NCALD: variants seen among roughly 807,000 people sequenced by gnomAD.
NCALD encodes neurocalcin delta, also known as neurocalcin-delta.
Under a neutral mutation model 18.6 loss-of-function variants are expected in NCALD, and 10 were observed. The observed-to-expected ratio is 0.54, with a 90% confidence interval of 0.33 to 0.91. NCALD has a LOEUF of 0.91. Among genes scored for constraint, NCALD ranks in the 40% least tolerant of loss-of-function variants. The probability of loss-of-function intolerance (pLI) is 0.03; values close to 1 mark genes in which losing one functional copy is unlikely to be tolerated. For synonymous variants in NCALD, 88 were observed against 87.4 expected (o/e 1.01, Z -0.04); for missense variants, 184 against 247.6 (o/e 0.74, Z 1.72).
At chr8:101,961,367 A>G (rs1249084857) in intron 2 of NCALD, among the ~76,000 whole-genome samples, 1 of 152,184 alleles carries the variant, frequency 6.6e-6, no homozygotes. Flanking sequence ...TCTAAGCTTT[A>G]GTTTCCTCAT....
chr8:101,748,923 T>C (rs1171182455), intron 1 of NCALD, among the ~76,000 whole-genome samples: 2 of 152,206 alleles, frequency 1.3e-5, no homozygotes, highest in Admixed American at 1.3e-4. Context: ...TGAGGTTTGT[T>C]GGTGCCACAG....
intron 1 of NCALD, among the ~76,000 whole-genome samples, chr8:102,060,412 G>T (rs1440413450): frequency 2.6e-5 from 4 of 152,224 alleles, no homozygotes; most frequent in African/African-American, 4.8e-5. Context: ...TCTCTGGACA[G>T]CCAGTCTGAG....
chr8:101,981,249 A>T (rs1472239949), intron 2 of NCALD, among the ~76,000 whole-genome samples: 1 of 152,106 alleles, frequency 6.6e-6, no homozygotes, highest in Non-Finnish European at 1.5e-5. Context: ...TCTCAGTATA[A>T]ATTTCTTGTA....
At chr8:101,785,075 C>T (rs1416658439) in intron 1 of NCALD, among the ~76,000 whole-genome samples, 2 of 152,126 alleles carry the variant, frequency 1.3e-5, no homozygotes, top group Non-Finnish European at 1.5e-5. Flanking sequence ...AAGCCAAATG[C>T]CTAGAGCTCT....
chr8:101,691,357 C>CT (rs1814722087), intron 3 of NCALD: 1 of 985,254 alleles, frequency 1.0e-6, no homozygotes. Flanking sequence ...TCTGAGAATG[C>CT]TAACTCAGTC....
chr8:101,943,905 C>G (rs560319969), intron 2 of NCALD, among the ~76,000 whole-genome samples: 2 of 151,994 alleles, frequency 1.3e-5, no homozygotes, highest in East Asian at 3.9e-4. Context: ...CACACCGCTG[C>G]ACTCCAGCCT....
intron 1 of NCALD, among the ~76,000 whole-genome samples, chr8:102,053,960 T>C (rs1823541245): frequency 6.6e-6 from 1 of 152,124 alleles, no homozygotes; most frequent in African/African-American, 2.4e-5. Context: ...TCTAACGTAG[T>C]AGAATATGTC....
chr8:101,923,807 T>C (rs528380182), intron 2 of NCALD, among the ~76,000 whole-genome samples: 1 of 152,268 alleles, frequency 6.6e-6, no homozygotes, highest in South Asian at 2.1e-4. Context: ...CATCCCATTT[T>C]TTCCTTTGTT....
chr8:101,970,166 G>A (rs955964366), intron 2 of NCALD, among the ~76,000 whole-genome samples: 1 of 152,122 alleles, frequency 6.6e-6, no homozygotes, highest in Non-Finnish European at 1.5e-5. Flanking sequence ...CTTAGCCCAA[G>A]TCCCTACTTA....
At chr8:102,017,308 AATGG>A (rs1458901493) in intron 2 of NCALD, among the ~76,000 whole-genome samples, 1 of 152,188 alleles carries the variant, frequency 6.6e-6, no homozygotes, top group Non-Finnish European at 1.5e-5. Context: ...ATTACCTCAA[AATGG>A]ATCATAAAAC....
At chr8:101,712,165 G>T (rs1451789935) in intron 2 of NCALD, among the ~76,000 whole-genome samples, 1 of 152,148 alleles carries the variant, frequency 6.6e-6, no homozygotes, top group Non-Finnish European at 1.5e-5. Context: ...GCCAAACTAA[G>T]CTTCATAAGT....
upstream of NCALD, among the ~76,000 whole-genome samples, chr8:101,793,089 G>A (rs746425129): frequency 7.2e-5 from 11 of 152,138 alleles, no homozygotes; most frequent in South Asian, 6.2e-4. Context: ...GGTGGCTCAC[G>A]CCTGTAATAC....
At chr8:102,086,566 G>A (rs1216643637) in intron 1 of NCALD, among the ~76,000 whole-genome samples, 4 of 152,056 alleles carry the variant, frequency 2.6e-5, no homozygotes. Flanking sequence ...ATCATCTCTT[G>A]CCTGGACTCC....
chr8:101,809,469 ATAT>A (rs1813227288), intron 4 of NCALD, among the ~76,000 whole-genome samples: 1 of 152,206 alleles, frequency 6.6e-6, no homozygotes, highest in Non-Finnish European at 1.5e-5. Context: ...AAGTTACAAA[ATAT>A]TATTTTTCCA....
chr8:102,120,186 G>T (rs1175301923), intron 1 of NCALD, among the ~76,000 whole-genome samples: 4 of 152,308 alleles, frequency 2.6e-5, no homozygotes, highest in African/African-American at 9.6e-5. Context: ...AATGCTAACA[G>T]TCCTATAGTG....
chr8:101,737,697 G>A (rs1020233072), intron 1 of NCALD, among the ~76,000 whole-genome samples: 28 of 152,268 alleles, frequency 1.8e-4, no homozygotes, highest in Admixed American at 1.7e-3. Context: ...CCTTCTCCTT[G>A]GAGTCTTCCT....
At chr8:101,883,752 T>C (rs1816573173) in intron 4 of NCALD, among the ~76,000 whole-genome samples, 1 of 152,194 alleles carries the variant, frequency 6.6e-6, no homozygotes, top group Non-Finnish European at 1.5e-5. Flanking sequence ...TAAAGACCCA[T>C]ACTACTTACT....
At chr8:101,754,451 G>A (rs994035176) in intron 1 of NCALD, among the ~76,000 whole-genome samples, 20 of 152,130 alleles carry the variant, frequency 1.3e-4, no homozygotes, top group Non-Finnish European at 1.2e-4. Context: ...GAAGGTGGCA[G>A]CAGATTTGAT....
Position 101,689,103 on chromosome 8 carries a change from C to T in NCALD, c.*206G>A, listed in dbSNP as rs1301546896. On this transcript the variant is annotated 3_prime_UTR_variant, in exon 4 of 4. Coordinates refer to ENST00000220931, the MANE Select transcript of NCALD (RefSeq NM_032041.3). The surrounding 1 kb of genome is among the most constrained non-coding windows in gnomAD (Gnocchi z 4.4). ...GAACACCACGAAGTCTGTCCATGCT[C>T]TCCACAAGCACACTGGGGCTCTGGG... 2.8e-6 allele frequency: 2 copies of T among 704,216 alleles called. No individual in the cohort carries two copies. The highest frequency in any genetic ancestry group is 3.0e-5 in the South Asian group (2 of 67,596). The allele number at this position is 704,216 out of a possible 1,614,324, so 43.6% of individuals were successfully genotyped here. A position where few individuals can be genotyped will look rare whatever the true frequency, so the allele number is the denominator to read the frequency against.
Sources: allele counts gnomAD v4.1 joint callset (sites outside exome capture counted in the v4.1 genomes callset), GRCh38; gene constraint gnomAD v4.1.1; non-coding constraint Gnocchi (gnomAD v3.1); transcripts MANE v1.5; gene names NCBI Gene and HGNC (gene_info 2026-07-23, HGNC 2026-07-21).